Variants in A1CF observed in about 807,000 individuals in gnomAD.
A1CF encodes the protein APOBEC1 complementation factor.
Under a neutral mutation model 68.9 loss-of-function variants are expected in A1CF, and 48 were observed. That is an observed-to-expected ratio of 0.70 (90% CI 0.55 to 0.89). A1CF has a LOEUF of 0.89. Ranked by LOEUF, A1CF falls within the 40% of genes least tolerant of loss-of-function variation. A1CF has a pLI of 0.00. For missense variants in A1CF, 653 were observed against 718.9 expected, an observed-to-expected ratio of 0.91 and a Z score of 1.05; for synonymous variants, 272 against 260.4, an observed-to-expected ratio of 1.04 and a Z score of -0.43.
chr10:50,870,300 CAA>C (rs927941111), intron 1 of A1CF, among the ~76,000 whole-genome samples: 2 of 151,248 alleles, frequency 1.3e-5, no homozygotes, highest in Non-Finnish European at 3.0e-5. Flanking sequence ...ATGAAATGGA[CAA>C]AAAGAAATTG....
chr10:50,852,402 C>A (rs1320920810), intron 3 of A1CF, among the ~76,000 whole-genome samples: 1 of 152,192 alleles, frequency 6.6e-6, no homozygotes, highest in Non-Finnish European at 1.5e-5. Context: ...TGGAGTCTTT[C>A]ACACCACGCT....
At chr10:50,821,830 C>T (rs1241478597) in intron 7 of A1CF, among the ~76,000 whole-genome samples, 1 of 152,140 alleles carries the variant, frequency 6.6e-6, no homozygotes, top group Non-Finnish European at 1.5e-5. Context: ...AGCCACCGTG[C>T]CTGGCCCAAG....
In A1CF at chr10:50,802,324, T is replaced by C. The variant is rs1287977269; in HGVS notation, c.*4405A>G. 2 of 152,220 alleles carry C rather than the reference T, an allele frequency of 1.3e-5. No individual in the cohort carries two copies. Among genetic ancestry groups the C allele is most frequent in the East Asian group, 3.8e-4 (2 of 5,198 alleles). 9.4% of individuals were successfully genotyped at this position (152,220 alleles called of 1,614,324 possible). On this transcript the variant is annotated 3_prime_UTR_variant, in exon 13 of 13. Transcript: ENST00000373997. The stretch of plus-strand genomic sequence containing the variant: ...AATTTGACAGTTTAACAAAACCTGA[T>C]TGACAATGGTTGCACGTCAGGTAGG...
rs1033331364 is a variant in A1CF at position 50,803,730 on chromosome 10, T to G, written c.*2999A>C. 4 of 152,244 alleles carry G rather than the reference T, an allele frequency of 2.6e-5. No homozygotes were observed. Among genetic ancestry groups the G allele is most frequent in the African/African-American group, 7.2e-5 (3 of 41,470 alleles). The allele number at this position is 152,244 out of a possible 1,614,324, so 9.4% of individuals were successfully genotyped here. A position where few individuals can be genotyped will look rare whatever the true frequency, so the allele number is the denominator to read the frequency against. On this transcript the variant is annotated 3_prime_UTR_variant, in exon 13 of 13. Coordinates refer to ENST00000373997, the MANE Select transcript of A1CF (RefSeq NM_014576.4). The stretch of plus-strand genomic sequence containing the variant: ...TATTAATTACCAAAATTTAGAGAAC[T>G]AATTCAAATTTACTGGATGTTCCTA...
At position 50,801,636 on chromosome 10, in the gene A1CF, C is replaced by A. The variant is rs1166141154; in HGVS notation, c.*5093G>T. ...GCTTACTTTTTTAAAGATACTGTTT[C>A]TTGGTATCTCCTATTCCCTTAGACA... is the stretch of plus-strand genomic sequence containing the variant. On this transcript the variant is annotated 3_prime_UTR_variant, in exon 13 of 13. Coordinates refer to ENST00000373997, the MANE Select transcript of A1CF (RefSeq NM_014576.4). The A allele has an allele frequency of 6.6e-6, 1 of 152,130 alleles. No individual in the cohort carries two copies. Among genetic ancestry groups the A allele is most frequent in the African/African-American group, 2.4e-5 (1 of 41,420 alleles). 9.4% of individuals were successfully genotyped at this position (152,130 alleles called of 1,614,324 possible). A position where few individuals can be genotyped will look rare whatever the true frequency, so the allele number is the denominator to read the frequency against.
At chr10:50,848,636 G>A (rs1840101999) in intron 3 of A1CF, among the ~76,000 whole-genome samples, 1 of 152,100 alleles carries the variant, frequency 6.6e-6, no homozygotes, top group African/African-American at 2.4e-5. Context: ...CATATTTCAA[G>A]TTTGTAATCG....
intron 11 of A1CF, 54 bp from the exon 12 acceptor site, chr10:50,810,096 G>A (rs2132313023): frequency 1.3e-6 from 2 of 1,598,580 alleles, no homozygotes; most frequent in Non-Finnish European, 1.7e-6. Flanking sequence ...AACTGAGTCA[G>A]GTGAAAACTT....
At position 50,828,294 on chromosome 10, in the gene A1CF, T is replaced by A. The variant is rs774221969; in HGVS notation, c.606A>T (p.Gly202=). The change falls in exon 7 of 13, where the codon GGA becomes GGT. Residue 202 remains glycine, a splice_region_variant and synonymous_variant. Transcript: ENST00000373997. ...AAMARRKLLP[G]RIQLWGHGIA... is the part of the protein sequence containing the mutation. ...TACCATGTCCCCATAACTGAATTCT[T>A]CCTGTTGAAAATGATCACCATTATG... 4.5e-6 allele frequency: 7 copies of A among 1,541,444 alleles called. No individual in the cohort carries two copies. The African/African-American group carries it at 9.6e-5, about 21-fold the overall frequency.
In A1CF at chr10:50,806,485, A is replaced by G. The variant is rs1191545340; in HGVS notation, c.*244T>C. The G allele has an allele frequency of 1.5e-5, 4 of 268,276 alleles. No individual in the cohort carries two copies. In the East Asian group the frequency reaches 2.9e-4, roughly 19 times the overall value. 16.6% of individuals were successfully genotyped at this position (268,276 alleles called of 1,614,324 possible). Reference sequence around the variant, plus strand: ...AAACACTCAGGAAGACTGGAAGAACAACTTTTGGGGCAGTGGCTCTCCAGC... The same window carrying G: ...AAACACTCAGGAAGACTGGAAGAACGACTTTTGGGGCAGTGGCTCTCCAGC... On this transcript the variant is annotated 3_prime_UTR_variant, in exon 13 of 13. Coordinates refer to ENST00000373997, the MANE Select transcript of A1CF (RefSeq NM_014576.4).
rs12248603 is a variant in A1CF, at chr10:50,876,662, A to G, written c.-94+8919T>C. 1.2e-3 allele frequency among the ~76,000 whole-genome samples: 179 copies of G among 151,912 alleles called. 1 individual carries two copies. Among genetic ancestry groups the G allele is most frequent in the African/African-American group, 4.0e-3 (167 of 41,374 alleles). On this transcript the variant is annotated intron_variant, in intron 1 of 12. Transcript: ENST00000373997. ...TGGCTTCTGGACTGGAACTTACACT[A>G]TTGCTTTTCTGGGTCTCAAGCCTTT...
intron 1 of A1CF, among the ~76,000 whole-genome samples, chr10:50,874,058 G>T (rs1841395344): frequency 6.6e-6 from 1 of 152,088 alleles, no homozygotes; most frequent in South Asian, 2.1e-4. Flanking sequence ...CATGCAAGGG[G>T]TAGAGGAGGC....
At chr10:50,864,832 G>A (rs1334807674) in intron 1 of A1CF, among the ~76,000 whole-genome samples, 2 of 152,064 alleles carry the variant, frequency 1.3e-5, no homozygotes, top group Non-Finnish European at 2.9e-5. Context: ...TGGTCAGGCT[G>A]GTCTCGACCT....
chr10:50,844,252 C>T, intron 3 of A1CF, 130 bp from the exon 4 acceptor site: 1 of 1,334,772 alleles, frequency 7.5e-7, no homozygotes, highest in South Asian at 1.3e-5. Flanking sequence ...TAATAGTGGA[C>T]TGGTTAAAGG....
intron 1 of A1CF, among the ~76,000 whole-genome samples, chr10:50,876,317 A>G (rs192582370): frequency 5.2e-4 from 79 of 152,348 alleles, no homozygotes; most frequent in African/African-American, 1.8e-3. Context: ...TCTGACTTCA[A>G]TACTGTCTTA....
chr10:50,869,970 TATC>T (rs541194376), intron 1 of A1CF, among the ~76,000 whole-genome samples: 110 of 151,994 alleles, frequency 7.2e-4, no homozygotes, highest in African/African-American at 2.1e-3. Flanking sequence ...TTAATGAAAA[TATC>T]ATACTTTTCA....
intron 7 of A1CF, among the ~76,000 whole-genome samples, chr10:50,825,449 G>A (rs1455595272): frequency 6.6e-6 from 1 of 152,128 alleles, no homozygotes; most frequent in Non-Finnish European, 1.5e-5. Flanking sequence ...TTCAAAGCAT[G>A]TTAGAAGGCA....
intron 5 of A1CF, among the ~76,000 whole-genome samples, chr10:50,840,395 G>A (rs1052357189): frequency 7.9e-5 from 12 of 152,172 alleles, no homozygotes; most frequent in Admixed American, 4.6e-4. Flanking sequence ...TTATAGATGA[G>A]GAAATTGAGG....
rs1291470603 is a variant in A1CF at position 50,804,339 on chromosome 10, G to A, written c.*2390C>T. The A allele has an allele frequency of 1.3e-5, 2 of 152,098 alleles. No individual in the cohort carries two copies. The highest frequency in any genetic ancestry group is 2.9e-5 in the Non-Finnish European group (2 of 67,984). 9.4% of individuals were successfully genotyped at this position (152,098 alleles called of 1,614,324 possible). A position where few individuals can be genotyped will look rare whatever the true frequency, so the allele number is the denominator to read the frequency against. On this transcript the variant is annotated 3_prime_UTR_variant, in exon 13 of 13. Coordinates refer to ENST00000373997, the MANE Select transcript of A1CF (RefSeq NM_014576.4). ...GATTTTTTCTCATAAAAAGATTCAT[G>A]TATTAACTAATCTTTTCATTGCGAT...
At chr10:50,833,102 G>C (rs1393680604) in intron 6 of A1CF, among the ~76,000 whole-genome samples, 1 of 152,186 alleles carries the variant, frequency 6.6e-6, no homozygotes, top group Non-Finnish European at 1.5e-5. Flanking sequence ...TTATATTCCA[G>C]TGATGCAGAT....
Sources: gnomAD v4.1 joint callset for allele counts (sites outside exome capture counted in the v4.1 genomes callset) on GRCh38, gnomAD v4.1.1 for gene constraint, MANE v1.5 for transcripts, NCBI Gene and HGNC (gene_info 2026-07-23, HGNC 2026-07-21) for gene names.